The following PLEKHD1 variants were observed in gnomAD, a reference collection of about 807,000 sequenced individuals.
PLEKHD1 encodes pleckstrin homology domain-containing family D member 1.
Under a neutral mutation model 69.2 loss-of-function variants are expected in PLEKHD1, and 51 were observed. The ratio of observed to expected loss-of-function variants is 0.74; its 90% CI spans 0.59 to 0.93. The LOEUF is 0.93. Ranked by LOEUF, PLEKHD1 falls within the 40% of genes least tolerant of loss-of-function variation. PLEKHD1 has a pLI of 0.00. For missense variants in PLEKHD1, 584 were observed against 641.0 expected (o/e 0.91, Z 0.96); for synonymous variants, 236 against 244.7 (o/e 0.96, Z 0.33).
chr14:69,530,827 A>T lies in PLEKHD1; in HGVS notation c.*2408A>T, dbSNP rs1003888028. ...TTTATAACAAACCCACCCCCTCGAT[A>T]ATGACATTAATCCTTTCATAAGGGA... On this transcript the variant is annotated 3_prime_UTR_variant, in exon 13 of 13. Coordinates refer to ENST00000322564, the MANE Select transcript of PLEKHD1 (RefSeq NM_001161498.2). 6.6e-6 allele frequency: 1 copy of T among 152,198 alleles called. No individual in the cohort carries two copies. The highest frequency in any genetic ancestry group is 2.4e-5 in the African/African-American group (1 of 41,448). The allele number at this position is 152,198 out of a possible 1,614,324, so 9.4% of individuals were successfully genotyped here.
chr14:69,499,110 C>T (rs1882962444), intron 1 of PLEKHD1, among the ~76,000 whole-genome samples: 1 of 152,162 alleles, frequency 6.6e-6, no homozygotes, highest in Admixed American at 6.5e-5. Context: ...TATTGAGCTA[C>T]CAACACCATG....
chr14:69,476,162 G>A, the PLEKHD1 span, among the ~76,000 whole-genome samples: 1 of 150,418 alleles, frequency 6.6e-6, no homozygotes. Context: ...AGAGGCTGAG[G>A]CATGAGAATC....
At chr14:69,468,316 AGCAGTTTACCAGACT>A in the PLEKHD1 span, among the ~76,000 whole-genome samples, 1 of 152,362 alleles carries the variant, frequency 6.6e-6, no homozygotes, top group East Asian at 1.9e-4. Context: ...AGGTATGAAA[AGCAGTTTACCAGACT>A]GCATGTGGCA....
At chr14:69,519,852 G>A (rs1883469543) in intron 6 of PLEKHD1, among the ~76,000 whole-genome samples, 1 of 152,108 alleles carries the variant, frequency 6.6e-6, no homozygotes, top group Admixed American at 6.5e-5. Context: ...AGCGGCAGAG[G>A]CCCCAGACCT....
chr14:69,504,793 A>T (rs77775116), intron 6 of PLEKHD1, among the ~76,000 whole-genome samples: 3,403 of 152,338 alleles, frequency 0.022, 56 homozygotes, highest in Middle Eastern at 0.058. Context: ...GTCTTCTTCC[A>T]TCACCAGAGT....
rs940182601 is a variant in PLEKHD1 at position 69,531,486 on chromosome 14, T to C, written c.*3067T>C. 3.9e-5 allele frequency: 6 copies of C among 152,234 alleles called. No homozygotes were observed. Among genetic ancestry groups the C allele is most frequent in the East Asian group, 1.9e-4 (1 of 5,200 alleles). The allele number at this position is 152,234 out of a possible 1,614,324, so 9.4% of individuals were successfully genotyped here. A position where few individuals can be genotyped will look rare whatever the true frequency, so the allele number is the denominator to read the frequency against. On this transcript the variant is annotated 3_prime_UTR_variant, in exon 13 of 13. Transcript: ENST00000322564. ...CTTAGTGGAGATATGTTGATGTAAT[T>C]TTTTTAATTTTTAAAAACAAAACTC...
At chr14:69,520,964 G>A (rs1415521564) in intron 6 of PLEKHD1, among the ~76,000 whole-genome samples, 1 of 152,042 alleles carries the variant, frequency 6.6e-6, no homozygotes, top group Admixed American at 6.5e-5. Context: ...TGCCCAGGAG[G>A]AGCATCAGAA....
chr14:69,514,394 G>C (rs889368529), intron 6 of PLEKHD1, among the ~76,000 whole-genome samples: 1 of 151,838 alleles, frequency 6.6e-6, no homozygotes, highest in Non-Finnish European at 1.5e-5. Context: ...CACTCTTACA[G>C]TGTTTGTGAT....
At chr14:69,519,789 C>G (rs1883467339) in intron 6 of PLEKHD1, among the ~76,000 whole-genome samples, 1 of 152,200 alleles carries the variant, frequency 6.6e-6, no homozygotes, top group South Asian at 2.1e-4. Context: ...GAGAAAGGGA[C>G]TTTCCAGGGA....
intron 1 of PLEKHD1, among the ~76,000 whole-genome samples, chr14:69,493,934 C>G (rs918147478): frequency 2.0e-5 from 3 of 152,104 alleles, no homozygotes; most frequent in Non-Finnish European, 1.5e-5. Context: ...GGGCTTCACA[C>G]GGGGGGCAGG....
chr14:69,500,058 C>G, intron 1 of PLEKHD1, 57 bp from the exon 2 acceptor site: 2 of 1,300,788 alleles, frequency 1.5e-6, no homozygotes, highest in Non-Finnish European at 2.2e-6. Flanking sequence ...CTTGTTGTCC[C>G]AAGAAACCTC....
chr14:69,515,396 G>A (rs145365345), intron 6 of PLEKHD1, among the ~76,000 whole-genome samples: 21 of 152,032 alleles, frequency 1.4e-4, no homozygotes, highest in African/African-American at 5.1e-4. Context: ...GTCAATTGCA[G>A]TTCAGGTTTT....
At chr14:69,497,047 G>A (rs1882905404) in intron 1 of PLEKHD1, among the ~76,000 whole-genome samples, 1 of 152,164 alleles carries the variant, frequency 6.6e-6, no homozygotes, top group Admixed American at 6.5e-5. Flanking sequence ...AGGAGATGGT[G>A]GCCCTGGAGA....
chr14:69,522,397 A>C lies in PLEKHD1; in HGVS notation c.650+20A>C. 6.5e-7 allele frequency: 1 copy of C among 1,549,878 alleles called. No homozygotes were observed. The highest frequency in any genetic ancestry group is 1.4e-5 in the African/African-American group (1 of 73,048). ...CAAGAGGTGGTGGTGGTGCCTGGGAATTGGGGGTGCCACTAAGTTAGGGCA... is the reference window on the plus strand; with the variant it reads ...CAAGAGGTGGTGGTGGTGCCTGGGACTTGGGGGTGCCACTAAGTTAGGGCA... On this transcript the variant is annotated intron_variant, in intron 7 of 12. Transcript: ENST00000322564.
chr14:69,484,282 C>T (rs958147113), upstream of PLEKHD1, among the ~76,000 whole-genome samples: 3 of 152,248 alleles, frequency 2.0e-5, no homozygotes, highest in African/African-American at 4.8e-5. Context: ...CCGCAGTTCA[C>T]GGAGCGGTAG....
At chr14:69,493,231 T>C (rs1331378113) in intron 1 of PLEKHD1, among the ~76,000 whole-genome samples, 1 of 152,228 alleles carries the variant, frequency 6.6e-6, no homozygotes, top group African/African-American at 2.4e-5. Flanking sequence ...ACCAGCAGCT[T>C]GCAGTCACTC....
chr14:69,522,174 AC>A (rs1566565117), intron 6 of PLEKHD1, 108 bp from the exon 7 acceptor site: 36 of 980,978 alleles, frequency 3.7e-5, no homozygotes, highest in African/African-American at 1.6e-5. Flanking sequence ...GCAGCACATG[AC>A]CCAGGCTGTG....
upstream of PLEKHD1, chr14:69,484,645 T>G: frequency 2.4e-5 from 6 of 248,864 alleles, no homozygotes; most frequent in Admixed American, 5.6e-5. Context: ...GCCACCAGAA[T>G]TGGGGCTGTC....
rs767592717 is a variant in PLEKHD1, at chr14:69,527,906, G to A, written c.1325G>A (p.Arg442His). 59 of 1,551,430 alleles carry A rather than the reference G, an allele frequency of 3.8e-5. No individual in the cohort carries two copies. Among genetic ancestry groups the A allele is most frequent in the Non-Finnish European group, 4.6e-5 (53 of 1,147,014 alleles). Residue 442 changes from arginine to histidine, a missense_variant, in exon 12 of 13, where the codon CGC becomes CAC. By Grantham distance (29) the Arg-to-His change is conservative. Coordinates refer to ENST00000322564, the MANE Select transcript of PLEKHD1 (RefSeq NM_001161498.2). ...ATCAAGAGCTGCCGCTTCCACCGAC[G>A]CCGGTCCAGCACCTCCTGGAATGAC... ...RRIKSCRFHRRRSSTSWNDMK... is the reference protein window; with the variant it reads ...RRIKSCRFHRHRSSTSWNDMK...
Sources: allele counts gnomAD v4.1 joint callset (sites outside exome capture counted in the v4.1 genomes callset), GRCh38; gene constraint gnomAD v4.1.1; transcripts MANE v1.5; gene names NCBI Gene and HGNC (gene_info 2026-07-23, HGNC 2026-07-21).